Variants in SYNE2 observed in about 807,000 individuals in gnomAD.
The protein encoded by SYNE2 is spectrin repeat containing nuclear envelope protein 2, also known as nesprin-2.
A neutral mutation model predicts 856.3 loss-of-function variants in SYNE2; 431 were observed. The observed-to-expected ratio is 0.50, with a 90% CI of 0.47 to 0.55. The LOEUF is 0.55. Among genes scored for constraint, SYNE2 ranks in the 20% least tolerant of loss-of-function variants. The pLI, the probability that SYNE2 is intolerant of heterozygous loss-of-function variation, is 0.00. For missense variants in SYNE2, 8,129 were observed against 8,023.2 expected, an observed-to-expected ratio of 1.01 and a Z score of -0.50; for synonymous variants, 2,923 against 2,872.3, an observed-to-expected ratio of 1.02 and a Z score of -0.56.
At chr14:63,919,303 G>A (rs940683916) in intron 2 of SYNE2, among the ~76,000 whole-genome samples, 3 of 152,172 alleles carry the variant, frequency 2.0e-5, no homozygotes, top group African/African-American at 4.8e-5. Flanking sequence ...ATATCATAGA[G>A]CTTGGGTGAC....
At chr14:63,795,095 G>A (rs779384403) in intron 1 of SYNE2, among the ~76,000 whole-genome samples, 6 of 151,840 alleles carry the variant, frequency 4.0e-5, no homozygotes, top group Non-Finnish European at 7.4e-5. Context: ...TTATTTTTTG[G>A]CAAAGATGGT....
chr14:64,070,207 C>T (rs1311327807), intron 51 of SYNE2, among the ~76,000 whole-genome samples: 2 of 152,132 alleles, frequency 1.3e-5, no homozygotes, highest in African/African-American at 4.8e-5. Context: ...ACCTGCTGGC[C>T]TTACTTTTTT....
Position 63,995,097 on chromosome 14 carries a change from A to G in SYNE2, c.2835A>G (p.Glu945=). The G allele has an allele frequency of 1.3e-6, 2 of 1,584,010 alleles. No homozygotes were observed. The highest frequency in any genetic ancestry group is 2.3e-5 in the South Asian group (2 of 87,132). Residue 945 remains glutamate (E), a synonymous_variant, in exon 23 of 116, where the codon GAA becomes GAG. Transcript: ENST00000555002. ...TTCAACAACTAAAAATAGATATTGA[A>G]AAAGGAAAGCTTAGTGACAATATTT... is the stretch of plus-strand genomic sequence containing the variant. ...LYVQQLKIDI[E]KGKLSDNILK...
At chr14:64,156,899 T>A (rs987704832) in intron 85 of SYNE2, among the ~76,000 whole-genome samples, 8 of 152,210 alleles carry the variant, frequency 5.3e-5, no homozygotes, top group Admixed American at 2.0e-4. Flanking sequence ...CAGCCCTGTT[T>A]GGGGCAGAGA....
chr14:64,186,499 C>T lies in SYNE2; in HGVS notation c.17632C>T (p.His5878Tyr). The T allele has an allele frequency of 6.2e-7, 1 of 1,614,228 alleles. No individual in the cohort carries two copies. The highest frequency in any genetic ancestry group is 8.5e-7 in the Non-Finnish European group (1 of 1,180,036). Reference sequence around the variant, plus strand: ...AACTATGAAGGCGGACTTAACCCGGCACGTTCTCGTGGAAGATGTGATGGT... The same window carrying T: ...AACTATGAAGGCGGACTTAACCCGGTACGTTCTCGTGGAAGATGTGATGGT... Reference protein sequence around the residue: ...LQTMKADLTRHVLVEDVMVLK... With the variant: ...LQTMKADLTRYVLVEDVMVLK... Residue 5878 changes from histidine to tyrosine, a missense_variant, in exon 97 of 116, where the codon CAC becomes TAC. By Grantham distance (83) the His-to-Tyr change is moderately conservative (BLOSUM62 2). Transcript: ENST00000555002.
chr14:64,191,341 G>A (rs1479513282), intron 99 of SYNE2, among the ~76,000 whole-genome samples: 2 of 152,056 alleles, frequency 1.3e-5, no homozygotes, highest in Non-Finnish European at 2.9e-5. Context: ...TACATTAGTG[G>A]GAGTAGGTAT....
At chr14:64,109,945 C>T (rs893512259) in intron 65 of SYNE2, among the ~76,000 whole-genome samples, 5 of 152,002 alleles carry the variant, frequency 3.3e-5, no homozygotes, top group Non-Finnish European at 5.9e-5. Flanking sequence ...ATTCTTGACC[C>T]GTATTACAAC....
At position 63,991,091 on chromosome 14, in the gene SYNE2, C is replaced by T. The variant is rs777522185; in HGVS notation, c.2622C>T (p.Pro874=). 3.3e-5 allele frequency: 53 copies of T among 1,613,894 alleles called. No homozygotes were observed. The highest frequency in any genetic ancestry group is 6.7e-5 in the Admixed American group (4 of 59,998). Residue 874 remains proline, a synonymous_variant, in exon 21 of 116, where the codon CCC becomes CCT. Coordinates refer to ENST00000555002, the MANE Select transcript of SYNE2 (RefSeq NM_182914.3). Reference sequence around the variant, plus strand: ...AGTTACTGGGGCAAAGAGAGAGCCCCGGTGAACTCATTTCAAAACACAAGG... The same window carrying T: ...AGTTACTGGGGCAAAGAGAGAGCCCTGGTGAACTCATTTCAAAACACAAGG... ...AQQLLGQRES[P]GELISKHKEA...
intron 107 of SYNE2, chr14:64,215,749 G>A (rs1209059040): frequency 1.8e-5 from 7 of 396,420 alleles, no homozygotes; most frequent in South Asian, 8.6e-5. Flanking sequence ...GGGTTGGGGC[G>A]GTAAAGGGTG....
chr14:64,079,012 C>T (rs1281344023), intron 55 of SYNE2, among the ~76,000 whole-genome samples: 1 of 152,110 alleles, frequency 6.6e-6, no homozygotes, highest in Non-Finnish European at 1.5e-5. Flanking sequence ...ATGGAGGTTG[C>T]AATGAGCCGA....
At position 64,225,031 on chromosome 14, in the gene SYNE2, G is replaced by A; in HGVS notation, c.20502G>A (p.Glu6834=). The A allele has an allele frequency of 1.2e-6, 2 of 1,613,984 alleles. No individual in the cohort carries two copies. Among genetic ancestry groups the A allele is most frequent in the Non-Finnish European group, 8.5e-7 (1 of 1,179,974 alleles). Residue 6834 remains glutamate (E), a synonymous_variant, in exon 115 of 116, where the codon GAG becomes GAA. Coordinates refer to ENST00000555002, the MANE Select transcript of SYNE2 (RefSeq NM_182914.3). ...FRAVRTTEGE[E]ETESRVPGST... is the part of the protein sequence containing the mutation. ...CAGTGAGAACTACAGAAGGCGAGGAGGAGACAGAGAGCAGGTAACGGGGCT... is the reference window on the plus strand; with the variant it reads ...CAGTGAGAACTACAGAAGGCGAGGAAGAGACAGAGAGCAGGTAACGGGGCT...
chr14:64,031,271 G>A lies in SYNE2; in HGVS notation c.7135G>A (p.Glu2379Lys). The change falls in exon 45 of 116, where the codon GAG (glutamate) becomes AAG (lysine). Residue 2379 changes from glutamate (E) to lysine (K), a missense_variant. Glu to Lys is a moderately conservative substitution (Grantham distance 56, BLOSUM62 1). Transcript: ENST00000555002. Reference protein sequence around the residue: ...KKGKFTLPGREKQATSDVQES... With the variant: ...KKGKFTLPGRKKQATSDVQES... ...AGGAAAGTTTACTCTGCCAGGCAGA[G>A]AGAAGCAGGCCACTTCTGATGTGCA... is the stretch of plus-strand genomic sequence containing the variant. 1 of 1,614,188 alleles carries A rather than the reference G, an allele frequency of 6.2e-7. No individual in the cohort carries two copies. The highest frequency in any genetic ancestry group is 2.2e-5 in the East Asian group (1 of 44,886).
At chr14:64,025,517 A>C in intron 41 of SYNE2, 96 bp downstream of exon 41, 1 of 1,220,968 alleles carries the variant, frequency 8.2e-7, no homozygotes, top group Non-Finnish European at 1.2e-6. Context: ...TTAATGGAAA[A>C]TCAGATCACT....
At chr14:64,097,517 C>G (rs1232809651) in intron 61 of SYNE2, among the ~76,000 whole-genome samples, 2 of 152,124 alleles carry the variant, frequency 1.3e-5, no homozygotes, top group African/African-American at 2.4e-5. Flanking sequence ...CTTTGGGACA[C>G]AATGGAAAGT....
At chr14:63,785,578 A>T (rs943891126) in intron 1 of SYNE2, among the ~76,000 whole-genome samples, 2 of 152,158 alleles carry the variant, frequency 1.3e-5, no homozygotes, top group African/African-American at 4.8e-5. Context: ...TGGTCTATTT[A>T]CCTGCTTCTA....
At chr14:64,195,640 C>T (rs555801218) in intron 99 of SYNE2, among the ~76,000 whole-genome samples, 8 of 152,346 alleles carry the variant, frequency 5.3e-5, no homozygotes, top group South Asian at 2.1e-4. Flanking sequence ...TCAGAAGTTA[C>T]GACCGTGGCA....
At chr14:63,785,526 T>C (rs1172056451) in intron 1 of SYNE2, among the ~76,000 whole-genome samples, 1 of 152,146 alleles carries the variant, frequency 6.6e-6, no homozygotes, top group Admixed American at 6.6e-5. Flanking sequence ...CTATTAGGAT[T>C]AACTCCCAGT....
At chr14:63,966,772 C>A (rs536868167) in intron 10 of SYNE2, among the ~76,000 whole-genome samples, 1 of 152,180 alleles carries the variant, frequency 6.6e-6, no homozygotes, top group Non-Finnish European at 1.5e-5. Flanking sequence ...GTTGCTCAGG[C>A]TAGTTTTGAA....
Position 63,990,514 on chromosome 14 carries a change from A to ATG in SYNE2, c.2419_2420dup (p.Leu808PhefsTer22). The ATG allele has an allele frequency of 6.2e-7, 1 of 1,613,936 alleles. No individual in the cohort carries two copies. Among genetic ancestry groups the ATG allele is most frequent in the Non-Finnish European group, 8.5e-7 (1 of 1,179,934 alleles). ...ATTTCAAGCCAGGAGTCCTTTCAAC[A>ATG]TGTTCTCACAACTGGGCTTCAGGCA... On this transcript the variant is annotated frameshift_variant, in exon 20 of 116. Transcript: ENST00000555002. LOFTEE classifies it high-confidence loss of function.
Sources: allele counts gnomAD v4.1 joint callset (sites outside exome capture counted in the v4.1 genomes callset), GRCh38; gene constraint gnomAD v4.1.1; transcripts MANE v1.5; gene names NCBI Gene and HGNC (gene_info 2026-07-23, HGNC 2026-07-21).